Variants in TNR observed in about 807,000 individuals in gnomAD.
TNR encodes the protein tenascin-R.
A neutral mutation model predicts 150.4 loss-of-function variants in TNR; 45 were observed. The observed-to-expected ratio is 0.30, with a 90% CI of 0.24 to 0.38. The LOEUF (loss-of-function observed/expected upper bound fraction) is 0.38, where lower values mean the gene tolerates loss of function less well. TNR is among the 10% of genes least tolerant of loss of function. TNR has a pLI of 1.00. For synonymous variants in TNR, 687 were observed against 678.4 expected (o/e 1.01, Z -0.20); for missense variants, 1,544 against 1,759.1 (o/e 0.88, Z 2.19).
intron 1 of TNR, among the ~76,000 whole-genome samples, chr1:175,550,313 C>G (rs967550209): frequency 6.6e-6 from 1 of 152,176 alleles, no homozygotes; most frequent in Non-Finnish European, 1.5e-5. Flanking sequence ...TCTGCCCCTA[C>G]CCAGCCAAAC....
intron 1 of TNR, among the ~76,000 whole-genome samples, chr1:175,625,473 C>CA (rs1262742385): frequency 3.3e-5 from 5 of 152,218 alleles, no homozygotes; most frequent in African/African-American, 1.2e-4. Context: ...TGTAGGCTGC[C>CA]ACTGCTCCTT....
At chr1:175,580,245 A>G (rs1163989660) in intron 1 of TNR, among the ~76,000 whole-genome samples, 1 of 152,234 alleles carries the variant, frequency 6.6e-6, no homozygotes, top group Non-Finnish European at 1.5e-5. Context: ...CTCCCCAAAG[A>G]GAGCAGGGGC....
chr1:175,473,424 G>A (rs1024956945), intron 2 of TNR, among the ~76,000 whole-genome samples: 1 of 152,190 alleles, frequency 6.6e-6, no homozygotes, highest in Non-Finnish European at 1.5e-5. Flanking sequence ...CACCAGGGGA[G>A]AGATGTTGTT....
Position 175,417,348 on chromosome 1 carries a change from C to T in TNR, c.-63-10571G>A, listed in dbSNP as rs140238950. Among the ~76,000 whole-genome samples, 139 of 151,546 alleles carry T rather than the reference C, an allele frequency of 9.2e-4. 1 individual carries two copies. Among genetic ancestry groups the T allele is most frequent in the African/African-American group, 2.9e-3 (121 of 41,284 alleles). ...TGTGGGCAGTGGGTGGGAGAGGGGG[C>T]GGCAAAGGGTATAGAATCAACAAAG... On this transcript the variant is annotated intron_variant, in intron 2 of 22. Transcript: ENST00000367674.
Position 175,577,127 on chromosome 1 carries a change from T to C in TNR, c.-164-48758A>G, listed in dbSNP as rs16848696. Among the ~76,000 whole-genome samples the C allele has an allele frequency of 7.8e-3, 1,194 of 152,144 alleles. 14 individuals carry two copies. Among genetic ancestry groups the C allele is most frequent in the African/African-American group, 0.027 (1,133 of 41,506 alleles). On this transcript the variant is annotated intron_variant, in intron 1 of 22. Transcript: ENST00000367674. ...GGGAGTTCATGCAGCGGGGTAAGCA[T>C]ATATAGGGTACAAGATGTAGGCTAC... is the stretch of plus-strand genomic sequence containing the variant.
intron 1 of TNR, among the ~76,000 whole-genome samples, chr1:175,600,247 TA>T (rs1370790775): frequency 6.6e-6 from 1 of 152,254 alleles, no homozygotes; most frequent in Non-Finnish European, 1.5e-5. Flanking sequence ...ATGCCTGGCA[TA>T]TAGTAAGAAT....
intron 2 of TNR, among the ~76,000 whole-genome samples, chr1:175,414,742 T>G (rs969769597): frequency 2.0e-5 from 3 of 152,182 alleles, no homozygotes; most frequent in Non-Finnish European, 4.4e-5. Context: ...CACCTAAAGT[T>G]GTTTTTCTTT....
At chr1:175,700,514 C>T (rs1308999398) in intron 1 of TNR, among the ~76,000 whole-genome samples, 1 of 152,152 alleles carries the variant, frequency 6.6e-6, no homozygotes, top group Non-Finnish European at 1.5e-5. Flanking sequence ...TTCCTTCACA[C>T]ATAGCAGCAC....
chr1:175,367,161 G>T (rs1368061549), intron 10 of TNR, 47 bp downstream of exon 10: 1 of 1,579,076 alleles, frequency 6.3e-7, no homozygotes, highest in South Asian at 1.1e-5. Flanking sequence ...GACTCCTTAG[G>T]CTTATAGGCT....
At chr1:175,691,253 T>A (rs1666362104) in intron 1 of TNR, among the ~76,000 whole-genome samples, 1 of 145,670 alleles carries the variant, frequency 6.9e-6, no homozygotes, top group Non-Finnish European at 1.5e-5. Context: ...CTAGAGAAAG[T>A]GATGTCAAGG....
chr1:175,377,580 G>A (rs952633346), intron 9 of TNR, among the ~76,000 whole-genome samples: 1 of 151,170 alleles, frequency 6.6e-6, no homozygotes, highest in African/African-American at 2.4e-5. Flanking sequence ...AATCTGCTTG[G>A]TCAGCATATC....
At chr1:175,688,733 G>C (rs1666271009) in intron 1 of TNR, among the ~76,000 whole-genome samples, 1 of 152,138 alleles carries the variant, frequency 6.6e-6, no homozygotes. Flanking sequence ...TAAAGTCAGA[G>C]TGCAGTGAGG....
intron 9 of TNR, among the ~76,000 whole-genome samples, chr1:175,377,478 T>C (rs80117788): frequency 9.3e-6 from 1 of 107,932 alleles, no homozygotes; most frequent in Non-Finnish European, 2.0e-5. Context: ...TTTTTTTTTT[T>C]GGATTTAGCT....
At chr1:175,325,044 C>T (rs1018203869) in intron 21 of TNR, among the ~76,000 whole-genome samples, 2 of 152,222 alleles carry the variant, frequency 1.3e-5, no homozygotes, top group Middle Eastern at 6.8e-3. Flanking sequence ...CCGTAAGAAA[C>T]AGGATGATGA....
In TNR at chr1:175,699,606, C is replaced by A. The variant is rs537013613; in HGVS notation, c.-165+43620G>T. On this transcript the variant is annotated intron_variant, in intron 1 of 22. Transcript: ENST00000367674. ...TGGGGAGAGGGACAGTTAAAGTTGG[C>A]AGGCAGGATCCATGGGCTGTCTATT... Among the ~76,000 whole-genome samples the A allele has an allele frequency of 3.7e-4, 57 of 152,132 alleles. No homozygotes were observed. The South Asian group carries it at 7.7e-3, about 21-fold the overall frequency.
rs75205943 is a variant in TNR, at chr1:175,421,788, C to T, written c.-63-15011G>A. ...TGCATTTGATTAGGAAGGGAACATA[C>T]CCACCAGCTTCAAGCTAAACTGATC... On this transcript the variant is annotated intron_variant, in intron 2 of 22. Transcript: ENST00000367674. Among the ~76,000 whole-genome samples, 960 of 152,308 alleles carry T rather than the reference C, an allele frequency of 6.3e-3. 9 individuals are homozygous for T. The highest frequency in any genetic ancestry group is 0.022 in the African/African-American group (913 of 41,568).
In TNR at chr1:175,501,184, T is replaced by C. The variant is rs574521316; in HGVS notation, c.-64+27085A>G. Among the ~76,000 whole-genome samples, 81 of 152,304 alleles carry C rather than the reference T, an allele frequency of 5.3e-4. 2 individuals carry two copies. The South Asian group carries it at 0.016, about 31-fold the overall frequency. ...TAGGTAATCTAGCCTGATCTAATCA[T>C]GTGAGCCTTTAAAAGAAGGTGAAGT... On this transcript the variant is annotated intron_variant, in intron 2 of 22. Transcript: ENST00000367674.
intron 2 of TNR, among the ~76,000 whole-genome samples, chr1:175,465,126 G>C (rs1656975080): frequency 6.6e-6 from 1 of 152,162 alleles, no homozygotes. Flanking sequence ...GAGTCCACCA[G>C]CCCTGGCCAG....
At chr1:175,481,203 A>T (rs1185359962) in intron 2 of TNR, among the ~76,000 whole-genome samples, 1 of 152,210 alleles carries the variant, frequency 6.6e-6, no homozygotes, top group African/African-American at 2.4e-5. Context: ...AATGCTCAAT[A>T]AATGTTTGCT....
Sources: gnomAD v4.1 joint callset for allele counts (sites outside exome capture counted in the v4.1 genomes callset) on GRCh38, gnomAD v4.1.1 for gene constraint, MANE v1.5 for transcripts, NCBI Gene and HGNC (gene_info 2026-07-23, HGNC 2026-07-21) for gene names.